SH3D19: variants seen among roughly 807,000 people sequenced by gnomAD.
SH3D19 encodes the protein SH3 domain-containing protein 19.
In SH3D19, 58 loss-of-function variants were observed where a neutral mutation model predicts 112.1. The ratio of observed to expected loss-of-function variants is 0.52; its 90% CI spans 0.42 to 0.64. SH3D19 has a LOEUF of 0.64. Among genes scored for constraint, SH3D19 ranks in the 30% least tolerant of loss-of-function variants. The pLI is 0.00. For missense variants in SH3D19, 1,090 were observed against 1,263.4 expected, an observed-to-expected ratio of 0.86 and a Z score of 2.08; for synonymous variants, 391 against 448.5, an observed-to-expected ratio of 0.87 and a Z score of 1.62.
Position 151,325,274 on chromosome 4 carries a change from G to C in SH3D19, c.79C>G (p.Arg27Gly). ...RRELGGQRRARGRALSGHSAA... is the reference protein window; with the variant it reads ...RRELGGQRRAGGRALSGHSAA... Reference sequence around the variant, plus strand: ...GAGTGGCCCGAGAGCGCACGGCCCCGGGCGCGGCGCTGGCCACCAAGTTCG... The same window carrying C: ...GAGTGGCCCGAGAGCGCACGGCCCCCGGCGCGGCGCTGGCCACCAAGTTCG... The change falls in exon 1 of 20, where the codon CGG becomes GGG. Residue 27 changes from arginine (R) to glycine (G), a missense_variant. Coordinates refer to ENST00000604030, the MANE Select transcript of SH3D19 (RefSeq NM_001378122.1). The C allele has an allele frequency of 3.3e-6, 4 of 1,221,762 alleles. No individual in the cohort carries two copies. The highest frequency in any genetic ancestry group is 4.1e-5 in the South Asian group (1 of 24,234). 75.7% of individuals were successfully genotyped at this position (1,221,762 alleles called of 1,614,324 possible).
intron 1 of SH3D19, among the ~76,000 whole-genome samples, chr4:151,263,485 A>G (rs1772532925): frequency 6.6e-6 from 1 of 152,240 alleles, no homozygotes; most frequent in South Asian, 2.1e-4. Context: ...CAGTACAACA[A>G]ATAACCCCAA....
At chr4:151,185,130 G>A (rs1352431304) in intron 3 of SH3D19, among the ~76,000 whole-genome samples, 1 of 146,844 alleles carries the variant, frequency 6.8e-6, no homozygotes, top group Non-Finnish European at 1.5e-5. Flanking sequence ...GATCTATCTT[G>A]GGGGATCCAT....
At chr4:151,167,791 G>A (rs1390792016) in intron 7 of SH3D19, among the ~76,000 whole-genome samples, 2 of 151,604 alleles carry the variant, frequency 1.3e-5, no homozygotes, top group Non-Finnish European at 2.9e-5. Context: ...AGTGAGGAGC[G>A]CCTCTGCCTG....
At chr4:151,268,141 C>T (rs1403710457) in intron 1 of SH3D19, among the ~76,000 whole-genome samples, 1 of 152,186 alleles carries the variant, frequency 6.6e-6, no homozygotes, top group Non-Finnish European at 1.5e-5. Flanking sequence ...ATGCTATAGT[C>T]TATTGCTCAT....
intron 1 of SH3D19, among the ~76,000 whole-genome samples, chr4:151,296,428 G>C (rs1775721629): frequency 6.6e-6 from 1 of 152,094 alleles, no homozygotes; most frequent in South Asian, 2.1e-4. Context: ...GTGGGGGAGG[G>C]AGCCACTCGG....
At position 151,175,346 on chromosome 4, in the gene SH3D19, T is replaced by C. The variant is rs1025468574; in HGVS notation, c.858A>G (p.Thr286=). 1.9e-6 allele frequency: 3 copies of C among 1,611,240 alleles called. No homozygotes were observed. The Admixed American group carries it at 5.0e-5, about 27-fold the overall frequency. The change falls in exon 7 of 20, where the codon ACA becomes ACG. Residue 286 remains threonine (T), a synonymous_variant. Transcript: ENST00000604030. ...DSQAVMNIMN[T]EQSQNSIVSR... ...AAACAATACTATTTTGGCTTTGTTC[T>C]GTGTTCATAATGTTCATCACTGCCT...
At chr4:151,243,650 A>G (rs529523317) in intron 1 of SH3D19, among the ~76,000 whole-genome samples, 1 of 152,360 alleles carries the variant, frequency 6.6e-6, no homozygotes, top group East Asian at 1.9e-4. Flanking sequence ...TATTAGTGCT[A>G]TTATTTTGAA....
At chr4:151,185,110 C>T (rs1432054202) in intron 3 of SH3D19, among the ~76,000 whole-genome samples, 2 of 134,154 alleles carry the variant, frequency 1.5e-5, no homozygotes, top group Non-Finnish European at 3.1e-5. Flanking sequence ...CCCATGTCTT[C>T]GCTGAGCAAG....
rs763949822 is a variant in SH3D19, at chr4:151,128,192, T to C, written c.2907A>G (p.Ala969=). 1.9e-6 allele frequency: 3 copies of C among 1,611,370 alleles called. No homozygotes were observed. In the East Asian group the frequency reaches 6.7e-5, roughly 36 times the overall value. The stretch of plus-strand genomic sequence containing the variant: ...TACCTGGGCAGGGCCTCACAAACAC[T>C]GCTGGGAAGATCCCCTCCCTGTCCT... The part of the protein sequence containing the change: ...RLQDREGIFP[A]VFVRPCPAEA... Residue 969 remains alanine, a synonymous_variant, in exon 18 of 20, where the codon GCA becomes GCG. Transcript: ENST00000604030.
At chr4:151,180,974 C>T (rs1467626172) in intron 3 of SH3D19, among the ~76,000 whole-genome samples, 1 of 145,228 alleles carries the variant, frequency 6.9e-6, no homozygotes, top group Non-Finnish European at 1.5e-5. Flanking sequence ...GGGGTTTCAC[C>T]GTGTTAGCCA....
chr4:151,227,919 T>C (rs773847622), intron 1 of SH3D19: 1 of 985,306 alleles, frequency 1.0e-6, no homozygotes. Context: ...TCACGATGCA[T>C]GTAAACAAGA....
intron 1 of SH3D19, among the ~76,000 whole-genome samples, chr4:151,238,534 T>C (rs1358081883): frequency 6.6e-6 from 1 of 152,210 alleles, no homozygotes; most frequent in Non-Finnish European, 1.5e-5. Flanking sequence ...TATACCTTTG[T>C]GTAGCTGACC....
intron 1 of SH3D19, among the ~76,000 whole-genome samples, chr4:151,305,206 T>C (rs1728810439): frequency 6.6e-6 from 1 of 152,194 alleles, no homozygotes; most frequent in Admixed American, 6.5e-5. Flanking sequence ...GTTTTCAACT[T>C]GTAAATACAA....
At chr4:151,216,569 G>C (rs1767140653) in intron 2 of SH3D19, among the ~76,000 whole-genome samples, 1 of 152,084 alleles carries the variant, frequency 6.6e-6, no homozygotes, top group Admixed American at 6.6e-5. Context: ...GAATTAGGAT[G>C]AAAAAAATTT....
chr4:151,133,381 A>G, intron 15 of SH3D19, 145 bp from the exon 16 acceptor site: 1 of 707,600 alleles, frequency 1.4e-6, no homozygotes, highest in East Asian at 2.7e-5. Flanking sequence ...ATTCCATGAA[A>G]AAGAGTAAGT....
At chr4:151,128,495 A>G (rs1749914501) in intron 17 of SH3D19, 139 bp from the exon 18 acceptor site, 1 of 562,668 alleles carries the variant, frequency 1.8e-6, no homozygotes, top group East Asian at 3.1e-5. Context: ...TAAATTATCT[A>G]ATACTTTATG....
intron 1 of SH3D19, among the ~76,000 whole-genome samples, chr4:151,241,121 C>A (rs1447294608): frequency 2.0e-5 from 3 of 147,914 alleles, no homozygotes; most frequent in African/African-American, 7.7e-5. Context: ...GTGATCTCTA[C>A]AAAAAAAAAA....
chr4:151,199,438 T>C (rs909938955), intron 2 of SH3D19, among the ~76,000 whole-genome samples: 1 of 152,150 alleles, frequency 6.6e-6, no homozygotes, highest in Non-Finnish European at 1.5e-5. Context: ...ATGGCAGGTA[T>C]GGAGTTCAGC....
At chr4:151,190,295 A>G (rs1762423156) in intron 2 of SH3D19, among the ~76,000 whole-genome samples, 3 of 152,222 alleles carry the variant, frequency 2.0e-5, no homozygotes, top group Admixed American at 6.5e-5. Context: ...AAAAGAGAAA[A>G]TCCCATTTGC....
Sources: allele counts gnomAD v4.1 joint callset (sites outside exome capture counted in the v4.1 genomes callset), GRCh38; gene constraint gnomAD v4.1.1; transcripts MANE v1.5; gene names NCBI Gene and HGNC (gene_info 2026-07-23, HGNC 2026-07-21).